The following SORCS3 variants were observed in gnomAD, a reference collection of about 807,000 sequenced individuals.
SORCS3 encodes sortilin related VPS10 domain containing receptor 3.
SORCS3 carries 57 observed loss-of-function variants against 146.3 expected under a neutral mutation model. That is an observed-to-expected ratio of 0.39 (90% CI 0.31 to 0.49). The LOEUF (loss-of-function observed/expected upper bound fraction) is 0.49, where lower values mean the gene tolerates loss of function less well. Among genes scored for constraint, SORCS3 ranks in the 20% least tolerant of loss-of-function variants. SORCS3 has a pLI of 0.92. For missense variants in SORCS3, 1,341 were observed against 1,575.5 expected, an observed-to-expected ratio of 0.85 and a Z score of 2.52; for synonymous variants, 653 against 618.5, an observed-to-expected ratio of 1.06 and a Z score of -0.83.
At chr10:104,845,032 A>G (rs777065750) in intron 2 of SORCS3, among the ~76,000 whole-genome samples, 42 of 152,258 alleles carry the variant, frequency 2.8e-4, no homozygotes, top group Non-Finnish European at 5.7e-4. Context: ...TTTACTTGCT[A>G]TTCCTCCAAC....
intron 1 of SORCS3, among the ~76,000 whole-genome samples, chr10:104,684,636 T>C (rs2016020172): frequency 6.6e-6 from 1 of 152,120 alleles, no homozygotes; most frequent in Admixed American, 6.5e-5. Context: ...GGGCAGTTTT[T>C]TTTCACTGCT....
intron 4 of SORCS3, among the ~76,000 whole-genome samples, chr10:104,994,285 A>G (rs1191264230): frequency 6.6e-6 from 1 of 152,118 alleles, no homozygotes; most frequent in Non-Finnish European, 1.5e-5. Context: ...ATTAGGGAGG[A>G]GGTCTGACCT....
chr10:104,769,147 A>G (rs544949251), intron 1 of SORCS3, among the ~76,000 whole-genome samples: 1 of 152,216 alleles, frequency 6.6e-6, no homozygotes, highest in Non-Finnish European at 1.5e-5. Flanking sequence ...AAGAAAGTGG[A>G]GCCAACATGT....
intron 4 of SORCS3, among the ~76,000 whole-genome samples, chr10:104,979,970 T>A (rs1046231708): frequency 1.3e-5 from 2 of 152,198 alleles, no homozygotes; most frequent in African/African-American, 4.8e-5. Context: ...AACAGACTAC[T>A]CATACCAAGA....
chr10:105,123,550 G>A (rs1342392258), intron 7 of SORCS3, among the ~76,000 whole-genome samples: 1 of 151,998 alleles, frequency 6.6e-6, no homozygotes, highest in Non-Finnish European at 1.5e-5. Context: ...AAGTAAATAA[G>A]AAAGTTATGT....
intron 4 of SORCS3, among the ~76,000 whole-genome samples, chr10:104,991,940 T>G (rs1419370358): frequency 6.6e-6 from 1 of 152,190 alleles, no homozygotes; most frequent in Non-Finnish European, 1.5e-5. Context: ...GACTTCAACA[T>G]GTGGATTTGT....
chr10:104,696,353 T>TATACACATATAATATATG, intron 1 of SORCS3, among the ~76,000 whole-genome samples: 1 of 264 alleles, frequency 3.8e-3, no homozygotes, highest in African/African-American at 0.011. Flanking sequence ...ATATATATCA[T>TATACACATATAATATATG]ATATATATCA....
intron 1 of SORCS3, among the ~76,000 whole-genome samples, chr10:104,840,356 G>T (rs2018123747): frequency 6.6e-6 from 1 of 152,046 alleles, no homozygotes; most frequent in Non-Finnish European, 1.5e-5. Flanking sequence ...TATTAGTTTG[G>T]GTTTCACCCT....
chr10:105,123,371 AT>A (rs1230595416), intron 7 of SORCS3, among the ~76,000 whole-genome samples: 2 of 152,236 alleles, frequency 1.3e-5, no homozygotes, highest in African/African-American at 4.8e-5. Flanking sequence ...GTTCAGAGGT[AT>A]TGCCTCAGTT....
At chr10:104,921,990 G>A (rs1208185884) in intron 3 of SORCS3, among the ~76,000 whole-genome samples, 1 of 152,202 alleles carries the variant, frequency 6.6e-6, no homozygotes, top group Non-Finnish European at 1.5e-5. Context: ...CTACCCTGCA[G>A]AAATATAGTG....
intron 11 of SORCS3, among the ~76,000 whole-genome samples, chr10:105,163,152 T>C (rs1188380632): frequency 2.0e-5 from 3 of 152,190 alleles, no homozygotes; most frequent in Non-Finnish European, 4.4e-5. Flanking sequence ...AAATCTTGAG[T>C]CTCAAAACAA....
chr10:105,068,385 A>G (rs1490974442), intron 5 of SORCS3, among the ~76,000 whole-genome samples: 3 of 152,024 alleles, frequency 2.0e-5, no homozygotes, highest in Admixed American at 2.0e-4. Context: ...AATTTATTAC[A>G]CCTTCAAACC....
At chr10:104,723,798 C>T (rs2016583712) in intron 1 of SORCS3, among the ~76,000 whole-genome samples, 2 of 152,038 alleles carry the variant, frequency 1.3e-5, no homozygotes, top group Non-Finnish European at 2.9e-5. Flanking sequence ...GGATTGCAAC[C>T]CCTGCCTTTT....
intron 3 of SORCS3, among the ~76,000 whole-genome samples, chr10:104,940,238 A>ATATATATATATATATATTTTT (rs1435205868): frequency 3.2e-5 from 1 of 31,522 alleles, no homozygotes; most frequent in Admixed American, 4.1e-4. Context: ...ATATATATAT[A>ATATATATATATATATATTTTT]TTTTTTTTTT....
chr10:104,689,583 C>T (rs1333641632), intron 1 of SORCS3, among the ~76,000 whole-genome samples: 1 of 152,218 alleles, frequency 6.6e-6, no homozygotes, highest in African/African-American at 2.4e-5. Flanking sequence ...GTAGCCCTCC[C>T]TGACTCCCCT....
chr10:105,234,801 C>T (rs886493233), intron 20 of SORCS3, among the ~76,000 whole-genome samples: 1 of 151,960 alleles, frequency 6.6e-6, no homozygotes, highest in Middle Eastern at 3.2e-3. Context: ...TCTTTTAGCA[C>T]ATTAATTAAA....
rs180938070 is a variant in SORCS3 at position 105,062,978 on chromosome 10, C to T, written c.1028+19850C>T. Among the ~76,000 whole-genome samples the T allele has an allele frequency of 2.9e-3, 447 of 152,186 alleles. 1 individual carries two copies. The highest frequency in any genetic ancestry group is 5.4e-3 in the Non-Finnish European group (369 of 68,010). ...TTGCTGAACTAGGAAGTGGGTGGAA[C>T]GAAAGAAACAGCAGCCGGGGGAAGT... On this transcript the variant is annotated intron_variant, in intron 5 of 26. Coordinates refer to ENST00000369701, the MANE Select transcript of SORCS3 (RefSeq NM_014978.3).
chr10:105,115,691 C>T (rs1208736130), intron 7 of SORCS3, among the ~76,000 whole-genome samples: 1 of 152,096 alleles, frequency 6.6e-6, no homozygotes, highest in Non-Finnish European at 1.5e-5. Context: ...GATTTATATA[C>T]CCATCATGGA....
intron 1 of SORCS3, among the ~76,000 whole-genome samples, chr10:104,732,105 A>G (rs1169822279): frequency 6.6e-6 from 1 of 152,236 alleles, no homozygotes; most frequent in Admixed American, 6.5e-5. Flanking sequence ...GCTCTCGTGT[A>G]AATATCTGGA....
Sources: allele counts gnomAD v4.1 joint callset (sites outside exome capture counted in the v4.1 genomes callset), GRCh38; gene constraint gnomAD v4.1.1; transcripts MANE v1.5; gene names NCBI Gene and HGNC (gene_info 2026-07-23, HGNC 2026-07-21).